Variants in MGAT4C observed in about 807,000 individuals in gnomAD.
MGAT4C encodes the protein MGAT4 family member C, also known as alpha-1,3-mannosyl-glycoprotein 4-beta-N-acetylglucosaminyltransferase C.
MGAT4C carries 19 observed loss-of-function variants against 40.1 expected under a neutral mutation model. The observed-to-expected ratio is 0.47, with a 90% confidence interval of 0.33 to 0.70. The LOEUF (loss-of-function observed/expected upper bound fraction) is 0.70. Among genes scored for constraint, MGAT4C ranks in the 30% least tolerant of loss-of-function variants. MGAT4C has a pLI of 0.02. For missense variants in MGAT4C, 491 were observed against 563.2 expected, an observed-to-expected ratio of 0.87 and a Z score of 1.30; for synonymous variants, 181 against 187.1, an observed-to-expected ratio of 0.97 and a Z score of 0.27.
chr12:86,288,326 G>C (rs1953409173), intron 4 of MGAT4C, among the ~76,000 whole-genome samples: 1 of 151,928 alleles, frequency 6.6e-6, no homozygotes, highest in African/African-American at 2.4e-5. Context: ...AGTTTCTTTT[G>C]CTGTGCAGAA....
chr12:86,169,437 T>A (rs1005452592), intron 1 of MGAT4C, among the ~76,000 whole-genome samples: 3 of 152,202 alleles, frequency 2.0e-5, no homozygotes, highest in African/African-American at 2.4e-5. Context: ...TCATTTATAC[T>A]CTTCAAATCT....
chr12:86,283,957 A>C (rs1288956164), intron 4 of MGAT4C, among the ~76,000 whole-genome samples: 1 of 152,132 alleles, frequency 6.6e-6, no homozygotes, highest in Non-Finnish European at 1.5e-5. Flanking sequence ...CATCTATTAA[A>C]TCTACTACAA....
At chr12:86,716,220 C>T (rs1950643124) in intron 2 of MGAT4C, among the ~76,000 whole-genome samples, 1 of 152,052 alleles carries the variant, frequency 6.6e-6, no homozygotes, top group African/African-American at 2.4e-5. Context: ...ACAGGACAAA[C>T]TATTAATTTA....
chr12:86,354,480 C>T lies in MGAT4C; in HGVS notation c.-119-20353G>A, dbSNP rs1051858595. 2.6e-5 allele frequency among the ~76,000 whole-genome samples: 4 copies of T among 151,740 alleles called. No individual in the cohort carries two copies. The East Asian group carries it at 7.7e-4, about 29-fold the overall frequency. ...TAAAGCAGATATTATAAATGCGTCT[C>T]GATGAAGGCAAAAGCCCTTGAAATG... On this transcript the variant is annotated intron_variant, in intron 3 of 7. Coordinates refer to the MGAT4C transcript ENST00000548651.
At chr12:86,563,030 T>C (rs1030145724) in intron 2 of MGAT4C, among the ~76,000 whole-genome samples, 1 of 151,884 alleles carries the variant, frequency 6.6e-6, no homozygotes, top group Non-Finnish European at 1.5e-5. Context: ...CTTAGGGAGA[T>C]TGGGGTGCTG....
chr12:86,629,817 G>A (rs1266079362), intron 2 of MGAT4C, among the ~76,000 whole-genome samples: 1 of 152,016 alleles, frequency 6.6e-6, no homozygotes, highest in Admixed American at 6.6e-5. Flanking sequence ...ATCTAAAATC[G>A]ACACCCTAAC....
intron 1 of MGAT4C, among the ~76,000 whole-genome samples, chr12:86,737,775 C>T (rs896092753): frequency 6.6e-6 from 1 of 151,316 alleles, no homozygotes; most frequent in African/African-American, 2.4e-5. Context: ...AAACAGACTT[C>T]CTTTAGTCTT....
chr12:86,264,875 C>T (rs1029840392), intron 4 of MGAT4C, among the ~76,000 whole-genome samples: 9 of 152,210 alleles, frequency 5.9e-5, no homozygotes, highest in Non-Finnish European at 1.2e-4. Flanking sequence ...ACTCTTGGGG[C>T]AGTGCTGACA....
chr12:85,985,065 C>T (rs540550662), intron 3 of MGAT4C, among the ~76,000 whole-genome samples: 1 of 152,316 alleles, frequency 6.6e-6, no homozygotes, highest in Admixed American at 6.5e-5. Context: ...TAGGTGTGAG[C>T]CAGCACACCT....
intron 2 of MGAT4C, among the ~76,000 whole-genome samples, chr12:86,498,721 G>A (rs1423214373): frequency 6.6e-6 from 1 of 151,884 alleles, no homozygotes; most frequent in African/African-American, 2.4e-5. Context: ...TAAAATGCCT[G>A]GTGATGCTAA....
chr12:86,743,342 G>T (rs374361376), intron 1 of MGAT4C, among the ~76,000 whole-genome samples: 5 of 151,550 alleles, frequency 3.3e-5, no homozygotes, highest in African/African-American at 1.2e-4. Context: ...ATATATTGTT[G>T]AAAATTGCAA....
chr12:86,582,668 A>G (rs1960836511), intron 2 of MGAT4C, among the ~76,000 whole-genome samples: 1 of 151,310 alleles, frequency 6.6e-6, no homozygotes, highest in African/African-American at 2.4e-5. Flanking sequence ...CCCACAATTT[A>G]TCATGGTGAT....
intron 2 of MGAT4C, among the ~76,000 whole-genome samples, chr12:86,564,697 A>G (rs764635540): frequency 6.6e-6 from 1 of 152,216 alleles, no homozygotes; most frequent in African/African-American, 2.4e-5. Flanking sequence ...CCCCTCGTAC[A>G]ATCAAGAAAG....
At chr12:86,064,587 C>G (rs1028163063) in intron 1 of MGAT4C, among the ~76,000 whole-genome samples, 2 of 152,064 alleles carry the variant, frequency 1.3e-5, no homozygotes, top group African/African-American at 2.4e-5. Context: ...AAATTTATAG[C>G]AGTAACTGCC....
chr12:86,236,452 G>A (rs866331660), intron 1 of MGAT4C, among the ~76,000 whole-genome samples: 11 of 152,074 alleles, frequency 7.2e-5, no homozygotes, highest in South Asian at 6.2e-4. Context: ...GCAAAAATCA[G>A]GTCTCAGTTT....
At chr12:86,276,243 A>G (rs1467568205) in intron 4 of MGAT4C, among the ~76,000 whole-genome samples, 1 of 152,162 alleles carries the variant, frequency 6.6e-6, no homozygotes, top group Non-Finnish European at 1.5e-5. Context: ...ATTATTGAAA[A>G]ATATGTACTT....
intron 1 of MGAT4C, among the ~76,000 whole-genome samples, chr12:86,206,450 T>C (rs900377560): frequency 9.9e-5 from 15 of 151,982 alleles, no homozygotes; most frequent in African/African-American, 3.4e-4. Flanking sequence ...GCTGAGAAGG[T>C]GGTATTAGGT....
chr12:86,115,594 T>C (rs568219313), intron 1 of MGAT4C, among the ~76,000 whole-genome samples: 67 of 152,202 alleles, frequency 4.4e-4, no homozygotes, highest in African/African-American at 1.6e-3. Context: ...TCTAGGTCAC[T>C]ATAAATAATG....
chr12:86,247,837 G>C (rs1006179669), intron 1 of MGAT4C, among the ~76,000 whole-genome samples: 1 of 152,106 alleles, frequency 6.6e-6, no homozygotes, highest in Non-Finnish European at 1.5e-5. Context: ...GTAATGGAAG[G>C]CCACTGAAGA....
Sources: gnomAD v4.1 joint callset for allele counts (sites outside exome capture counted in the v4.1 genomes callset) on GRCh38, gnomAD v4.1.1 for gene constraint, MANE v1.5 for transcripts, NCBI Gene and HGNC (gene_info 2026-07-23, HGNC 2026-07-21) for gene names.